SHROOM3: variants seen among roughly 807,000 people sequenced by gnomAD.
SHROOM3 encodes protein Shroom3.
A neutral mutation model predicts 138.6 loss-of-function variants in SHROOM3; 47 were observed. The observed-to-expected ratio is 0.34, with a 90% confidence interval of 0.27 to 0.43. SHROOM3 has a LOEUF of 0.43. Among genes scored for constraint, SHROOM3 ranks in the 20% least tolerant of loss-of-function variants. The pLI, the probability that SHROOM3 is intolerant of heterozygous loss-of-function variation, is 1.00. For missense variants in SHROOM3, 2,491 were observed against 2,596.5 expected, an observed-to-expected ratio of 0.96 and a Z score of 0.88; for synonymous variants, 1,062 against 1,063.3, an observed-to-expected ratio of 1.00 and a Z score of 0.02.
At chr4:76,770,956 G>A (rs1722339294) in intron 10 of SHROOM3, 58 bp downstream of exon 10, 5 of 1,604,472 alleles carry the variant, frequency 3.1e-6, no homozygotes. Flanking sequence ...CATACATAGA[G>A]AGGCGCCATT....
chr4:76,648,281 G>A (rs576929141), intron 2 of SHROOM3, among the ~76,000 whole-genome samples: 1 of 152,148 alleles, frequency 6.6e-6, no homozygotes, highest in Non-Finnish European at 1.5e-5. Flanking sequence ...TGAACTATGA[G>A]TGCACCACTG....
At chr4:76,604,551 A>G (rs1358944887) in intron 2 of SHROOM3, among the ~76,000 whole-genome samples, 1 of 152,206 alleles carries the variant, frequency 6.6e-6, no homozygotes, top group Non-Finnish European at 1.5e-5. Flanking sequence ...GCACTTGATC[A>G]AAATGATCTC....
chr4:76,626,599 C>T (rs1249460099), intron 2 of SHROOM3, among the ~76,000 whole-genome samples: 1 of 152,164 alleles, frequency 6.6e-6, no homozygotes, highest in Non-Finnish European at 1.5e-5. Flanking sequence ...CCTGAAGTAG[C>T]TGCCATTTAT....
intron 1 of SHROOM3, among the ~76,000 whole-genome samples, chr4:76,513,863 A>G (rs1003672833): frequency 1.9e-4 from 29 of 152,338 alleles, no homozygotes; most frequent in Admixed American, 1.5e-3. Flanking sequence ...TGATCTTTAA[A>G]AAATGACATA....
At chr4:76,512,570 G>A (rs1317751054) in intron 1 of SHROOM3, among the ~76,000 whole-genome samples, 3 of 152,124 alleles carry the variant, frequency 2.0e-5, no homozygotes, top group Non-Finnish European at 4.4e-5. Context: ...GGGATCGAGG[G>A]ACAAGGAGGG....
At chr4:76,733,248 C>T (rs1432346619) in intron 4 of SHROOM3, among the ~76,000 whole-genome samples, 1 of 152,200 alleles carries the variant, frequency 6.6e-6, no homozygotes, top group Non-Finnish European at 1.5e-5. Flanking sequence ...GGGCCGTCAG[C>T]ACCAGAAGTA....
intron 2 of SHROOM3, among the ~76,000 whole-genome samples, chr4:76,588,691 C>G (rs1303229297): frequency 6.6e-6 from 1 of 152,048 alleles, no homozygotes; most frequent in Non-Finnish European, 1.5e-5. Flanking sequence ...GGGTGAAGAC[C>G]TCCCTTAGCT....
rs74694679 is a variant in SHROOM3 at position 76,531,444 on chromosome 4, C to T, written c.169-24165C>T. 4.6e-3 allele frequency among the ~76,000 whole-genome samples: 699 copies of T among 152,216 alleles called. 6 individuals carry two copies. Among genetic ancestry groups the T allele is most frequent in the African/African-American group, 0.016 (663 of 41,522 alleles). On this transcript the variant is annotated intron_variant, in intron 1 of 10. Transcript: ENST00000296043. ...CCCTGGCAAGGTAATTAACCCTATC[C>T]AAACCAGAGCTTTCCATCTAGTGCA...
chr4:76,738,264 T>C (rs1721134616), intron 4 of SHROOM3, among the ~76,000 whole-genome samples: 1 of 152,176 alleles, frequency 6.6e-6, no homozygotes, highest in South Asian at 2.1e-4. Context: ...GGTGTATCCT[T>C]CAATTCCATA....
At chr4:76,769,843 T>C (rs1035789913) in intron 9 of SHROOM3, among the ~76,000 whole-genome samples, 1 of 152,214 alleles carries the variant, frequency 6.6e-6, no homozygotes, top group Non-Finnish European at 1.5e-5. Flanking sequence ...ATGGCACATA[T>C]CAACTGCTCT....
At chr4:76,679,293 G>T (rs886292588) in intron 2 of SHROOM3, among the ~76,000 whole-genome samples, 2 of 152,128 alleles carry the variant, frequency 1.3e-5, no homozygotes, top group African/African-American at 4.8e-5. Flanking sequence ...AGGCACGCTA[G>T]TGTCTTCCAT....
chr4:76,728,933 C>T (rs1451682643), intron 3 of SHROOM3, among the ~76,000 whole-genome samples: 1 of 152,190 alleles, frequency 6.6e-6, no homozygotes, highest in African/African-American at 2.4e-5. Flanking sequence ...TCATCAGCAC[C>T]AGCAGTTCCT....
chr4:76,616,045 G>A (rs1734868214), intron 2 of SHROOM3, among the ~76,000 whole-genome samples: 1 of 152,102 alleles, frequency 6.6e-6, no homozygotes, highest in African/African-American at 2.4e-5. Flanking sequence ...AGGACCAGTG[G>A]GTTAAAGTTA....
At position 76,739,569 on chromosome 4, in the gene SHROOM3, A is replaced by C. The variant is rs772606592; in HGVS notation, c.1396A>C (p.Ser466Arg). 1 of 1,614,094 alleles carries C rather than the reference A, an allele frequency of 6.2e-7. No homozygotes were observed. The highest frequency in any genetic ancestry group is 2.2e-5 in the East Asian group (1 of 44,882). The change falls in exon 5 of 11, where the codon AGC becomes CGC. Residue 466 changes from serine to arginine, a missense_variant. By Grantham distance (110) the Ser-to-Arg change is moderately radical. Around this residue, in one of 4 missense-constraint regions of SHROOM3, gnomAD observed 1,733 missense variants for 1,661.6 expected, o/e 1.04. Coordinates refer to ENST00000296043, the MANE Select transcript of SHROOM3 (RefSeq NM_020859.4). ...AQPGQPLLPT[S>R]IYPVPSLEPH... ...ACCTGGCCAACCTCTGCTGCCGACC[A>C]GCATCTACCCGGTACCTTCCCTGGA...
At chr4:76,712,365 G>A (rs553347964) in intron 3 of SHROOM3, among the ~76,000 whole-genome samples, 1 of 152,264 alleles carries the variant, frequency 6.6e-6, no homozygotes, top group Admixed American at 6.5e-5. Flanking sequence ...ATTAGGACAG[G>A]GAAGGCAGGA....
chr4:76,746,803 AT>A (rs1721450376), intron 5 of SHROOM3, among the ~76,000 whole-genome samples: 1 of 145,008 alleles, frequency 6.9e-6, no homozygotes, highest in Non-Finnish European at 1.5e-5. Context: ...TATTATTATT[AT>A]TATTATTATT....
At chr4:76,748,990 A>G (rs923657952) in intron 5 of SHROOM3, 27 bp from the exon 6 acceptor site, 20 of 1,611,352 alleles carry the variant, frequency 1.2e-5, no homozygotes, top group Non-Finnish European at 1.7e-5. Context: ...TATTGGCAGT[A>G]ATGCTGTGCC....
At chr4:76,532,570 TGC>T (rs199796550) in intron 1 of SHROOM3, among the ~76,000 whole-genome samples, 18,721 of 152,146 alleles carry the variant, frequency 0.12, 1,663 homozygotes, top group African/African-American at 0.25. Context: ...TTTCTGTTTG[TGC>T]CTTTCACCCA....
At chr4:76,439,220 G>A (rs1456947173) in intron 1 of SHROOM3, among the ~76,000 whole-genome samples, 1 of 152,132 alleles carries the variant, frequency 6.6e-6, no homozygotes, top group Admixed American at 6.5e-5. Context: ...GCAACAGCAG[G>A]TTGAGTCCTT....
Sources: allele counts gnomAD v4.1 joint callset (sites outside exome capture counted in the v4.1 genomes callset), GRCh38; gene constraint gnomAD v4.1.1; regional missense constraint gnomAD v4.1.1; transcripts MANE v1.5; gene names NCBI Gene and HGNC (gene_info 2026-07-23, HGNC 2026-07-21).